The following ANXA10 variants were observed in gnomAD, a reference collection of about 807,000 sequenced individuals.
The protein encoded by ANXA10 is annexin A10.
A neutral mutation model predicts 53.5 loss-of-function variants in ANXA10; 49 were observed. That is an observed-to-expected ratio of 0.92 (90% CI 0.73 to 1.16). The LOEUF (loss-of-function observed/expected upper bound fraction) is 1.16. ANXA10 is among the 50% of genes most tolerant of loss of function. The pLI, the probability that ANXA10 is intolerant of heterozygous loss-of-function variation, is 0.00. For missense variants in ANXA10, 393 were observed against 394.4 expected (o/e 1.00, Z 0.03); for synonymous variants, 131 against 128.9 (o/e 1.02, Z -0.11).
intron 1 of ANXA10, 49 bp downstream of exon 1, chr4:168,092,767 G>A (rs922377453): frequency 5.5e-6 from 8 of 1,450,858 alleles, no homozygotes; most frequent in Non-Finnish European, 7.4e-6. Flanking sequence ...TTTGAAACTT[G>A]ATTTATAAAA....
intron 3 of ANXA10, among the ~76,000 whole-genome samples, chr4:168,148,359 G>T (rs1731438823): frequency 6.6e-6 from 1 of 152,038 alleles, no homozygotes; most frequent in African/African-American, 2.4e-5. Flanking sequence ...TAGAGACGGG[G>T]TTTCACCATC....
chr4:168,130,624 A>G (rs774422286), intron 2 of ANXA10, among the ~76,000 whole-genome samples: 2 of 152,014 alleles, frequency 1.3e-5, no homozygotes, highest in Non-Finnish European at 2.9e-5. Flanking sequence ...TGGGTTATTA[A>G]TTACCACCGA....
Position 168,179,274 on chromosome 4 carries a change from G to GTTA in ANXA10, c.688_690dup (p.Tyr230dup). On this transcript the variant is annotated inframe_insertion, in exon 9 of 12. Transcript: ENST00000359299. ...GATATGGTAGATGCCATTAATGAAT[G>GTTA]TTATGATGGATACTTTCAGGAGCTG... is the stretch of plus-strand genomic sequence containing the variant. 1 of 1,612,000 alleles carries GTTA rather than the reference G, an allele frequency of 6.2e-7. No individual in the cohort carries two copies. Among genetic ancestry groups the GTTA allele is most frequent in the African/African-American group, 1.3e-5 (1 of 74,996 alleles).
intron 1 of ANXA10, among the ~76,000 whole-genome samples, chr4:168,106,001 G>A (rs572224837): frequency 6.6e-6 from 1 of 151,502 alleles, no homozygotes; most frequent in South Asian, 2.1e-4. Flanking sequence ...TTTTTTCTTT[G>A]TAGATATGTT....
intron 1 of ANXA10, among the ~76,000 whole-genome samples, chr4:168,126,430 G>A (rs983348096): frequency 6.6e-6 from 1 of 152,108 alleles, no homozygotes; most frequent in Admixed American, 6.5e-5. Flanking sequence ...GTTATAAAGT[G>A]TTACCACTGG....
At chr4:168,118,854 A>G (rs1178495803) in intron 1 of ANXA10, among the ~76,000 whole-genome samples, 1 of 152,202 alleles carries the variant, frequency 6.6e-6, no homozygotes, top group African/African-American at 2.4e-5. Flanking sequence ...TCAAGAAGCA[A>G]AAGTTATTAT....
chr4:168,103,859 A>G (rs1313225041), intron 1 of ANXA10, among the ~76,000 whole-genome samples: 1 of 151,834 alleles, frequency 6.6e-6, no homozygotes, highest in Admixed American at 6.6e-5. Flanking sequence ...CTTCTATTCC[A>G]ATATGTATAA....
chr4:168,094,104 G>A (rs924697199), intron 1 of ANXA10, among the ~76,000 whole-genome samples: 2 of 152,050 alleles, frequency 1.3e-5, no homozygotes, highest in Non-Finnish European at 2.9e-5. Flanking sequence ...TCTATGCATT[G>A]TGTGGTCTAA....
Position 168,162,552 on chromosome 4 carries a change from C to G in ANXA10, c.220C>G (p.Gln74Glu). 1 of 1,613,768 alleles carries G rather than the reference C, an allele frequency of 6.2e-7. No individual in the cohort carries two copies. Among genetic ancestry groups the G allele is most frequent in the Non-Finnish European group, 8.5e-7 (1 of 1,179,786 alleles). ...GRDLIGDMRE[Q>E]LSDHFKDVMA... ...GGACCTGATTGGGGATATGAGGGAGCAGCTTTCGGATCACTTCAAAGATGT... is the reference window on the plus strand; with the variant it reads ...GGACCTGATTGGGGATATGAGGGAGGAGCTTTCGGATCACTTCAAAGATGT... The change falls in exon 4 of 12, where the codon CAG becomes GAG. Residue 74 changes from glutamine to glutamate, a missense_variant. Gln to Glu is a conservative substitution (Grantham distance 29). Coordinates refer to ENST00000359299, the MANE Select transcript of ANXA10 (RefSeq NM_007193.5).
chr4:168,149,589 G>C (rs1270823382), intron 3 of ANXA10, among the ~76,000 whole-genome samples: 4 of 152,046 alleles, frequency 2.6e-5, no homozygotes, highest in Non-Finnish European at 5.9e-5. Flanking sequence ...TCTTTAGGGA[G>C]AATCTTTTTC....
intron 3 of ANXA10, among the ~76,000 whole-genome samples, chr4:168,157,143 T>C (rs991232672): frequency 6.6e-6 from 1 of 152,196 alleles, no homozygotes; most frequent in African/African-American, 2.4e-5. Context: ...AAATACATTA[T>C]AGATGCCAAA....
At chr4:168,127,865 T>A in intron 1 of ANXA10, 1 of 356,408 alleles carries the variant, frequency 2.8e-6, no homozygotes, top group Non-Finnish European at 5.2e-6. Flanking sequence ...TAGCTGGGAT[T>A]ACAGGCGCCA....
At chr4:168,185,813 C>T (rs904253467) in intron 11 of ANXA10, among the ~76,000 whole-genome samples, 11 of 152,110 alleles carry the variant, frequency 7.2e-5, no homozygotes, top group African/African-American at 2.7e-4. Flanking sequence ...TTTGTAATTC[C>T]AAGAAGCAGT....
At chr4:168,186,359 T>C (rs1410116065) in intron 11 of ANXA10, among the ~76,000 whole-genome samples, 1 of 152,254 alleles carries the variant, frequency 6.6e-6, no homozygotes, top group African/African-American at 2.4e-5. Flanking sequence ...TATTCTGCTA[T>C]GGTGTGCATG....
chr4:168,107,334 A>C (rs1730734832), intron 1 of ANXA10, among the ~76,000 whole-genome samples: 1 of 152,172 alleles, frequency 6.6e-6, no homozygotes, highest in African/African-American at 2.4e-5. Flanking sequence ...TTTAGTGAAT[A>C]TCTCTCTGAC....
At chr4:168,165,388 C>CAAA (rs1731858623) in intron 6 of ANXA10, 62 bp downstream of exon 6, 2 of 477,960 alleles carry the variant, frequency 4.2e-6, no homozygotes, top group East Asian at 4.7e-5. Flanking sequence ...TATGTCATTG[C>CAAA]CAAAAAAAAA....
chr4:168,146,780 T>C (rs1731413236), intron 3 of ANXA10, among the ~76,000 whole-genome samples: 1 of 152,194 alleles, frequency 6.6e-6, no homozygotes, highest in Non-Finnish European at 1.5e-5. Flanking sequence ...TTCTGTTTAA[T>C]ATGCAGTTTG....
At chr4:168,139,956 C>T (rs1240809265) in intron 3 of ANXA10, among the ~76,000 whole-genome samples, 2 of 152,148 alleles carry the variant, frequency 1.3e-5, no homozygotes, top group Non-Finnish European at 2.9e-5. Flanking sequence ...AATTAATGAT[C>T]ACCAGTTCAA....
At chr4:168,150,190 T>C (rs1038645469) in intron 3 of ANXA10, among the ~76,000 whole-genome samples, 3 of 152,240 alleles carry the variant, frequency 2.0e-5, no homozygotes, top group African/African-American at 7.2e-5. Context: ...TCTGTTACTT[T>C]TTATCAGGTA....
Sources: allele counts gnomAD v4.1 joint callset (sites outside exome capture counted in the v4.1 genomes callset), GRCh38; gene constraint gnomAD v4.1.1; transcripts MANE v1.5; gene names NCBI Gene and HGNC (gene_info 2026-07-23, HGNC 2026-07-21).